Variants in R3HCC1L observed in about 807,000 individuals in gnomAD.
R3HCC1L encodes the protein R3H domain and coiled-coil containing 1 like, also known as coiled-coil domain-containing protein R3HCC1L.
Under a neutral mutation model 59.9 loss-of-function variants are expected in R3HCC1L, and 51 were observed. The ratio of observed to expected loss-of-function variants is 0.85; its 90% CI spans 0.68 to 1.07. The LOEUF is 1.07. R3HCC1L is among the 50% of genes least tolerant of loss of function. The pLI, the probability that R3HCC1L is intolerant of heterozygous loss-of-function variation, is 0.00. For synonymous variants in R3HCC1L, 322 were observed against 315.2 expected (o/e 1.02, Z -0.23); for missense variants, 965 against 933.0 (o/e 1.03, Z -0.45).
At chr10:98,227,941 A>G (rs940182228) in intron 5 of R3HCC1L, among the ~76,000 whole-genome samples, 2 of 152,166 alleles carry the variant, frequency 1.3e-5, no homozygotes, top group African/African-American at 2.4e-5. Flanking sequence ...ATAGTATTCC[A>G]TGGTGTATAT....
rs772046740 is a variant in R3HCC1L, at chr10:98,209,200, T to C, written c.1086T>C (p.Asp362=). ...TCCTTGCTCATGAAACACATAGAGA[T>C]AGTGGATTTAAGAATGTAGGTGACA... The part of the protein sequence containing the change: ...TAVLAHETHR[D]SGFKNVGDIT... Residue 362 remains aspartate (D), a synonymous_variant, in exon 5 of 10, where the codon GAT becomes GAC. Transcript: ENST00000298999. 4 of 1,613,672 alleles carry C rather than the reference T, an allele frequency of 2.5e-6. No individual in the cohort carries two copies. The highest frequency in any genetic ancestry group is 2.5e-6 in the Non-Finnish European group (3 of 1,179,970).
chr10:98,209,192 CATAGAG>C lies in R3HCC1L; in HGVS notation c.1083_1088del (p.Arg361_Asp362del), dbSNP rs1853200684. The stretch of plus-strand genomic sequence containing the variant: ...TACAGCTGTCCTTGCTCATGAAACA[CATAGAG>C]ATAGTGGATTTAAGAATGTAGGTGA... On this transcript the variant is annotated inframe_deletion, in exon 5 of 10. Coordinates refer to ENST00000298999, the MANE Select transcript of R3HCC1L (RefSeq NM_001351015.2). 2 of 1,613,746 alleles carry C rather than the reference CATAGAG, an allele frequency of 1.2e-6. No individual in the cohort carries two copies. Among genetic ancestry groups the C allele is most frequent in the East Asian group, 2.2e-5 (1 of 44,868 alleles).
chr10:98,217,339 A>C (rs1370955284), intron 5 of R3HCC1L, among the ~76,000 whole-genome samples: 1 of 152,160 alleles, frequency 6.6e-6, no homozygotes, highest in Non-Finnish European at 1.5e-5. Flanking sequence ...ATGCATGAAC[A>C]GAATAGGGTT....
chr10:98,216,725 A>G (rs1343483287), intron 5 of R3HCC1L, among the ~76,000 whole-genome samples: 2 of 151,908 alleles, frequency 1.3e-5, no homozygotes, highest in Non-Finnish European at 2.9e-5. Context: ...GGAGTATACC[A>G]CCATGCCTGT....
rs186515145 is a variant in R3HCC1L, at chr10:98,211,288, C to G, written c.1785+1389C>G. On this transcript the variant is annotated intron_variant, in intron 5 of 9. Transcript: ENST00000298999. ...CAAATTATTTAGCCCAGCAAACTGTCTATTTACAACTTTTTCAGGGGATTC... is the reference window on the plus strand; with the variant it reads ...CAAATTATTTAGCCCAGCAAACTGTGTATTTACAACTTTTTCAGGGGATTC... 1.7e-5 allele frequency: 24 copies of G among 1,432,982 alleles called. No homozygotes were observed. The Admixed American group carries it at 3.9e-4, about 24-fold the overall frequency. 88.8% of individuals were successfully genotyped at this position (1,432,982 alleles called of 1,614,324 possible).
At chr10:98,145,806 G>A (rs1047521857) in intron 1 of R3HCC1L, among the ~76,000 whole-genome samples, 6 of 152,050 alleles carry the variant, frequency 3.9e-5, no homozygotes, top group South Asian at 4.2e-4. Context: ...AAAATTAGGT[G>A]GGTGTGGTGG....
At chr10:98,195,063 C>T (rs541928693) in intron 4 of R3HCC1L, among the ~76,000 whole-genome samples, 2 of 152,194 alleles carry the variant, frequency 1.3e-5, no homozygotes, top group South Asian at 2.1e-4. Context: ...GTGGAAGCAA[C>T]GTTAAGTGTT....
intron 5 of R3HCC1L, among the ~76,000 whole-genome samples, chr10:98,231,302 TTTTC>T (rs1856356565): frequency 1.3e-5 from 2 of 152,204 alleles, no homozygotes; most frequent in African/African-American, 4.8e-5. Flanking sequence ...TTTCAACACT[TTTTC>T]AACAGTTCCA....
chr10:98,223,561 C>A (rs939204468), intron 5 of R3HCC1L, among the ~76,000 whole-genome samples: 6 of 151,274 alleles, frequency 4.0e-5, no homozygotes, highest in South Asian at 2.1e-4. Context: ...TATATCTATT[C>A]TTTTGGTTGG....
rs778659429 is a variant in R3HCC1L at position 98,231,520 on chromosome 10, G to A, written c.1794G>A (p.Gly598=). 1 of 1,611,142 alleles carries A rather than the reference G, an allele frequency of 6.2e-7. No individual in the cohort carries two copies. The highest frequency in any genetic ancestry group is 8.5e-7 in the Non-Finnish European group (1 of 1,179,222). ...TGCTTCTTCCTTTCTAGTTATCAGG[G>A]AATACCAAGAGCAGAGAGAGCATCC... ...LDPRLLQELS[G]NTKSRESIQE... The change falls in exon 6 of 10, where the codon GGG becomes GGA. Residue 598 remains glycine, a synonymous_variant. Transcript: ENST00000298999.
intron 4 of R3HCC1L, among the ~76,000 whole-genome samples, chr10:98,200,637 C>T (rs981857626): frequency 6.6e-6 from 1 of 151,946 alleles, no homozygotes; most frequent in Non-Finnish European, 1.5e-5. Context: ...AGACTTCCGT[C>T]GGCACTGCTC....
In R3HCC1L at chr10:98,231,697, C is replaced by A; in HGVS notation, c.1961+10C>A. The A allele has an allele frequency of 6.3e-7, 1 of 1,587,152 alleles. No homozygotes were observed. The highest frequency in any genetic ancestry group is 8.6e-7 in the Non-Finnish European group (1 of 1,163,792). On this transcript the variant is annotated intron_variant, in intron 6 of 9. Transcript: ENST00000298999. ...TTTTCTGCAGTTATCAGTGAGTATG[C>A]AAATGATTGTGGATGTTAGGGAGGG... is the stretch of plus-strand genomic sequence containing the variant.
At chr10:98,194,685 A>T (rs1280967883) in intron 4 of R3HCC1L, among the ~76,000 whole-genome samples, 2 of 152,182 alleles carry the variant, frequency 1.3e-5, no homozygotes, top group African/African-American at 2.4e-5. Context: ...TCCCAAGAAG[A>T]TACGTGCATG....
chr10:98,175,691 A>G (rs1000646899), intron 4 of R3HCC1L, among the ~76,000 whole-genome samples: 1 of 152,158 alleles, frequency 6.6e-6, no homozygotes, highest in Admixed American at 6.6e-5. Flanking sequence ...GAAAGTTATC[A>G]GATGTGATTT....
At chr10:98,221,165 C>A (rs1224017579) in intron 5 of R3HCC1L, among the ~76,000 whole-genome samples, 2 of 151,404 alleles carry the variant, frequency 1.3e-5, no homozygotes, top group East Asian at 1.9e-4. Flanking sequence ...CTTTTGGCTG[C>A]ATAAATGTCT....
chr10:98,186,966 T>A (rs903141037), intron 4 of R3HCC1L, among the ~76,000 whole-genome samples: 5 of 152,086 alleles, frequency 3.3e-5, no homozygotes, highest in African/African-American at 1.2e-4. Context: ...ATGTACAACC[T>A]TGAGTCTTCA....
At chr10:98,159,132 A>C (rs1452908394) in intron 2 of R3HCC1L, among the ~76,000 whole-genome samples, 2 of 152,210 alleles carry the variant, frequency 1.3e-5, no homozygotes, top group Non-Finnish European at 2.9e-5. Flanking sequence ...CAAAGACTGC[A>C]AGACAGTTAT....
intron 5 of R3HCC1L, among the ~76,000 whole-genome samples, chr10:98,210,690 A>T (rs1445284072): frequency 6.6e-6 from 1 of 152,216 alleles, no homozygotes; most frequent in Admixed American, 6.5e-5. Flanking sequence ...TTTATAAATG[A>T]GGAAGTTGAA....
chr10:98,154,330 C>A (rs1035258607), intron 1 of R3HCC1L, among the ~76,000 whole-genome samples: 4 of 151,954 alleles, frequency 2.6e-5, no homozygotes, highest in African/African-American at 9.7e-5. Context: ...TGTGGGCATG[C>A]TTGTATGGAG....
Sources: allele counts gnomAD v4.1 joint callset (sites outside exome capture counted in the v4.1 genomes callset), GRCh38; gene constraint gnomAD v4.1.1; transcripts MANE v1.5; gene names NCBI Gene and HGNC (gene_info 2026-07-23, HGNC 2026-07-21).